STK3: variants seen among roughly 807,000 people sequenced by gnomAD.
STK3 encodes serine/threonine-protein kinase 3.
STK3 carries 41 observed loss-of-function variants against 58.0 expected under a neutral mutation model. That is an observed-to-expected ratio of 0.71 (90% CI 0.55 to 0.92). The LOEUF (loss-of-function observed/expected upper bound fraction) is 0.92. STK3 is among the 40% of genes least tolerant of loss of function. STK3 has a pLI of 0.00. For missense variants in STK3, 479 were observed against 602.7 expected, an observed-to-expected ratio of 0.79 and a Z score of 2.15; for synonymous variants, 170 against 191.0, an observed-to-expected ratio of 0.89 and a Z score of 0.91.
intron 6 of STK3, among the ~76,000 whole-genome samples, chr8:98,618,775 TCAAGGAGA>T: frequency 6.8e-6 from 1 of 146,088 alleles, no homozygotes; most frequent in Non-Finnish European, 1.5e-5. Flanking sequence ...AAGGACCTCT[TCAAGGAGA>T]ACTACAAACC....
rs1262782342 is a variant in STK3, at chr8:98,633,765, A to C, written c.685-37596T>G. 5 of 564,098 alleles carry C rather than the reference A, an allele frequency of 8.9e-6. No homozygotes were observed. In the East Asian group the frequency reaches 1.6e-4, roughly 18 times the overall value. The allele number at this position is 564,098 out of a possible 1,614,324, so 34.9% of individuals were successfully genotyped here. On this transcript the variant is annotated intron_variant, in intron 6 of 10. Transcript: ENST00000419617. ...AGAGTACCAGCAAGAGCCAGAGAAG[A>C]AGCTTTTTAAGCTCAAGCAAGTGTA... is the stretch of plus-strand genomic sequence containing the variant.
intron 10 of STK3, among the ~76,000 whole-genome samples, chr8:98,464,169 A>G (rs2131183733): frequency 6.6e-6 from 1 of 152,202 alleles, no homozygotes; most frequent in East Asian, 1.9e-4. Context: ...TGAACTATCA[A>G]CAGAATGGCT....
At chr8:98,909,238 T>C (rs1469603660) in intron 1 of STK3, among the ~76,000 whole-genome samples, 1 of 152,246 alleles carries the variant, frequency 6.6e-6, no homozygotes, top group Non-Finnish European at 1.5e-5. Flanking sequence ...TACAGGCTCC[T>C]GGCCGTGGAA....
chr8:98,628,721 G>A (rs748370569), intron 6 of STK3, among the ~76,000 whole-genome samples: 15 of 147,988 alleles, frequency 1.0e-4, no homozygotes, highest in Admixed American at 1.4e-4. Context: ...AGAACAGCTT[G>A]AGGCCAGGAG....
At chr8:98,387,711 A>G (rs1356125149) in intron 1 of STK3, among the ~76,000 whole-genome samples, 1 of 152,198 alleles carries the variant, frequency 6.6e-6, no homozygotes, top group East Asian at 1.9e-4. Flanking sequence ...ATTGCACTCC[A>G]GCCTGGGCAA....
At chr8:98,728,501 A>AAT (rs539003803) in intron 4 of STK3, among the ~76,000 whole-genome samples, 96 of 151,948 alleles carry the variant, frequency 6.3e-4, no homozygotes, top group Middle Eastern at 3.4e-3. Context: ...ACCATATGTA[A>AAT]ATATATATAT....
At chr8:98,617,073 C>G (rs1203590859) in intron 6 of STK3, among the ~76,000 whole-genome samples, 2 of 151,126 alleles carry the variant, frequency 1.3e-5, no homozygotes, top group Non-Finnish European at 3.0e-5. Context: ...TAAAGCTCTC[C>G]TCAGCAAATG....
At chr8:98,637,941 G>T (rs554701229) in intron 6 of STK3, among the ~76,000 whole-genome samples, 28 of 152,140 alleles carry the variant, frequency 1.8e-4, no homozygotes, top group African/African-American at 6.0e-4. Context: ...ATCTTATTAG[G>T]TGTTGGCACC....
intron 1 of STK3, among the ~76,000 whole-genome samples, chr8:98,901,238 T>C (rs746519086): frequency 2.0e-5 from 3 of 152,208 alleles, no homozygotes; most frequent in Non-Finnish European, 4.4e-5. Context: ...ATAGGGATAA[T>C]GATTCCTACA....
At chr8:98,653,378 C>T (rs1821143611) in intron 6 of STK3, among the ~76,000 whole-genome samples, 1 of 152,056 alleles carries the variant, frequency 6.6e-6, no homozygotes, top group African/African-American at 2.4e-5. Context: ...AAAGAGAAAG[C>T]AGGAAAGATC....
chr8:98,586,264 A>C (rs1814580763), intron 7 of STK3, among the ~76,000 whole-genome samples: 1 of 152,166 alleles, frequency 6.6e-6, no homozygotes, highest in African/African-American at 2.4e-5. Flanking sequence ...ATTTTGAAAT[A>C]TATCCCATCA....
At chr8:98,794,054 T>A (rs2131591925) in intron 1 of STK3, among the ~76,000 whole-genome samples, 1 of 151,942 alleles carries the variant, frequency 6.6e-6, no homozygotes, top group South Asian at 2.1e-4. Flanking sequence ...AACAGGAAAG[T>A]TTACAACACT....
intron 1 of STK3, among the ~76,000 whole-genome samples, chr8:98,908,530 G>A (rs1247905224): frequency 6.6e-6 from 1 of 152,126 alleles, no homozygotes; most frequent in Non-Finnish European, 1.5e-5. Context: ...TCCATCCTGG[G>A]CAACAGACCA....
chr8:98,856,155 C>CAAAA (rs60632558), intron 3 of STK3, among the ~76,000 whole-genome samples: 2 of 54,044 alleles, frequency 3.7e-5, no homozygotes, highest in Non-Finnish European at 6.6e-5. Context: ...GACTCCATCT[C>CAAAA]AAAAAAAAAA....
chr8:98,543,421 C>T (rs1810446754), intron 9 of STK3, among the ~76,000 whole-genome samples: 1 of 151,946 alleles, frequency 6.6e-6, no homozygotes, highest in South Asian at 2.1e-4. Context: ...AGTTTAGAAG[C>T]CTCACAAGTG....
At chr8:98,869,021 A>G in intron 3 of STK3, among the ~76,000 whole-genome samples, 1 of 132,976 alleles carries the variant, frequency 7.5e-6, no homozygotes, top group Non-Finnish European at 1.6e-5. Context: ...AGAAAAAGGA[A>G]AGAAGGAAGG....
At chr8:98,614,138 A>G (rs1235134428) in intron 6 of STK3, among the ~76,000 whole-genome samples, 2 of 152,206 alleles carry the variant, frequency 1.3e-5, no homozygotes, top group Non-Finnish European at 2.9e-5. Flanking sequence ...AAACAAATAG[A>G]CAGAAAATCA....
intron 6 of STK3, chr8:98,598,071 A>T (rs930711352): frequency 2.0e-6 from 2 of 985,302 alleles, no homozygotes; most frequent in Admixed American, 6.2e-5. Flanking sequence ...AGTTCAAAGG[A>T]CTTACATAAG....
At chr8:98,639,292 T>C (rs1313300151) in intron 6 of STK3, among the ~76,000 whole-genome samples, 1 of 152,080 alleles carries the variant, frequency 6.6e-6, no homozygotes, top group East Asian at 1.9e-4. Context: ...TTTGTATGTT[T>C]TGTAGAGACA....
Sources: allele counts gnomAD v4.1 joint callset (sites outside exome capture counted in the v4.1 genomes callset), GRCh38; gene constraint gnomAD v4.1.1; transcripts MANE v1.5; gene names NCBI Gene and HGNC (gene_info 2026-07-23, HGNC 2026-07-21).